KLF12: variants seen among roughly 807,000 people sequenced by gnomAD.
The protein encoded by KLF12 is KLF transcription factor 12.
A neutral mutation model predicts 37.8 loss-of-function variants in KLF12; 9 were observed. The observed-to-expected ratio is 0.24, with a 90% CI of 0.14 to 0.42. The LOEUF is 0.42. KLF12 is among the 10% of genes least tolerant of loss of function. KLF12 has a pLI of 1.00. For synonymous variants in KLF12, 208 were observed against 202.1 expected (o/e 1.03, Z -0.25); for missense variants, 411 against 516.0 (o/e 0.80, Z 1.97).
the KLF12 span, among the ~76,000 whole-genome samples, chr13:74,269,301 T>A: frequency 6.6e-6 from 1 of 152,224 alleles, no homozygotes; most frequent in African/African-American, 2.4e-5. Flanking sequence ...TCTCTCTTTG[T>A]ATATAGTTAC....
At chr13:74,012,058 A>G (rs1892564359) in intron 1 of KLF12, among the ~76,000 whole-genome samples, 1 of 152,178 alleles carries the variant, frequency 6.6e-6, no homozygotes, top group African/African-American at 2.4e-5. Context: ...TAAACTCCCC[A>G]AAGACATGTT....
upstream of KLF12, among the ~76,000 whole-genome samples, chr13:74,135,898 T>A (rs774656014): frequency 1.3e-5 from 2 of 152,186 alleles, no homozygotes; most frequent in Admixed American, 1.3e-4. Flanking sequence ...GGGCTCCCCA[T>A]CGGTGTGGCG....
chr13:73,706,766 GTGA>G (rs1003923831), intron 7 of KLF12, among the ~76,000 whole-genome samples: 2 of 152,164 alleles, frequency 1.3e-5, no homozygotes, highest in South Asian at 2.1e-4. Flanking sequence ...CTGGATATGT[GTGA>G]ATGAGGCTGT....
At chr13:74,180,787 T>C in the KLF12 span, among the ~76,000 whole-genome samples, 1 of 152,162 alleles carries the variant, frequency 6.6e-6, no homozygotes, top group Non-Finnish European at 1.5e-5. Flanking sequence ...ATTTAAAATG[T>C]AAATATTAAT....
chr13:74,131,108 C>A (rs1218760374), intron 1 of KLF12, among the ~76,000 whole-genome samples: 3 of 152,192 alleles, frequency 2.0e-5, no homozygotes, highest in African/African-American at 7.2e-5. Context: ...GAGGCCTAAG[C>A]ACTTACGTTG....
At chr13:74,013,715 A>G (rs1892609811) in intron 1 of KLF12, among the ~76,000 whole-genome samples, 1 of 152,222 alleles carries the variant, frequency 6.6e-6, no homozygotes, top group Non-Finnish European at 1.5e-5. Context: ...CTACTGAAGC[A>G]TCTATTTTAC....
At chr13:74,256,516 ACACTT>A in the KLF12 span, among the ~76,000 whole-genome samples, 1 of 152,166 alleles carries the variant, frequency 6.6e-6, no homozygotes, top group South Asian at 2.1e-4. Context: ...TCCACAGGAG[ACACTT>A]CCATCAATAG....
the KLF12 span, among the ~76,000 whole-genome samples, chr13:74,304,705 A>G: frequency 2.0e-5 from 3 of 152,030 alleles, no homozygotes; most frequent in East Asian, 5.8e-4. Context: ...GGCCCAGTTC[A>G]TTGGAGGGTA....
chr13:74,097,778 T>C (rs188720057), intron 1 of KLF12, among the ~76,000 whole-genome samples: 12 of 151,804 alleles, frequency 7.9e-5, no homozygotes, highest in East Asian at 3.9e-4. Flanking sequence ...TGCAACGGCA[T>C]AGCAACTTTT....
intron 3 of KLF12, among the ~76,000 whole-genome samples, chr13:73,925,345 A>G (rs1211191008): frequency 6.6e-6 from 1 of 152,196 alleles, no homozygotes. Flanking sequence ...CAACTCTGAA[A>G]ATCCTAGGGT....
chr13:74,275,855 TTTCTTTCTTTCTATCTTTCTTTC>T, the KLF12 span, among the ~76,000 whole-genome samples: 139 of 123,774 alleles, frequency 1.1e-3, 1 homozygote, highest in Admixed American at 1.6e-3. Context: ...TCTTTCTTTC[TTTCTTTCTTTCTATCTTTCTTTC>T]TTCTTTCTTT....
At chr13:73,946,931 A>G (rs1176521304) in intron 2 of KLF12, among the ~76,000 whole-genome samples, 1 of 152,230 alleles carries the variant, frequency 6.6e-6, no homozygotes, top group East Asian at 1.9e-4. Context: ...TTGACAATAC[A>G]GTCCTTGAAG....
At chr13:73,702,657 C>T (rs1160547769) in intron 7 of KLF12, among the ~76,000 whole-genome samples, 1 of 152,140 alleles carries the variant, frequency 6.6e-6, no homozygotes, top group East Asian at 1.9e-4. Context: ...TGAAACGTGT[C>T]CCTGTTTAAC....
chr13:73,837,971 G>T (rs1006964452), intron 4 of KLF12, among the ~76,000 whole-genome samples: 3 of 152,192 alleles, frequency 2.0e-5, no homozygotes, highest in Non-Finnish European at 2.9e-5. Flanking sequence ...AAGGTAGACA[G>T]AAGCGAGTCT....
chr13:73,888,978 G>A (rs755530451), intron 3 of KLF12, among the ~76,000 whole-genome samples: 4 of 152,164 alleles, frequency 2.6e-5, no homozygotes, highest in Non-Finnish European at 5.9e-5. Flanking sequence ...TCTCCTACAG[G>A]ATAGTAACCA....
At chr13:74,287,676 T>C in the KLF12 span, among the ~76,000 whole-genome samples, 6 of 152,204 alleles carry the variant, frequency 3.9e-5, no homozygotes, top group Non-Finnish European at 8.8e-5. Flanking sequence ...GCAAGGCAAT[T>C]ACACCCCTGC....
intron 7 of KLF12, among the ~76,000 whole-genome samples, chr13:73,704,206 T>A (rs1327240957): frequency 6.6e-6 from 1 of 152,110 alleles, no homozygotes; most frequent in Non-Finnish European, 1.5e-5. Context: ...CTACAACCTA[T>A]AAGGGAAAAG....
intron 1 of KLF12, among the ~76,000 whole-genome samples, chr13:74,115,572 G>A (rs1877249797): frequency 6.6e-6 from 1 of 152,082 alleles, no homozygotes. Context: ...AGGCGTGATG[G>A]CAGGTACCTA....
intron 2 of KLF12, 42 bp downstream of exon 2, chr13:73,994,948 T>TA: frequency 7.6e-7 from 1 of 1,324,222 alleles, no homozygotes; most frequent in East Asian, 2.3e-5. Context: ...ATGCTCAAAG[T>TA]AGCAATATTT....
Sources: allele counts gnomAD v4.1 joint callset (sites outside exome capture counted in the v4.1 genomes callset), GRCh38; gene constraint gnomAD v4.1.1; transcripts MANE v1.5; gene names NCBI Gene and HGNC (gene_info 2026-07-23, HGNC 2026-07-21).